The following ZC3H12B variants were observed in gnomAD, a reference collection of about 807,000 sequenced individuals.
The protein encoded by ZC3H12B is zinc finger CCCH-type containing 12B.
A neutral mutation model predicts 43.9 loss-of-function variants in ZC3H12B; 7 were observed. That is an observed-to-expected ratio of 0.16 (90% confidence interval 0.09 to 0.30). The LOEUF is 0.30. ZC3H12B is among the 10% of genes least tolerant of loss of function. The pLI, the probability that ZC3H12B is intolerant of heterozygous loss-of-function variation, is 1.00. For synonymous variants in ZC3H12B, 222 were observed against 241.7 expected (o/e 0.92, Z 0.76); for missense variants, 475 against 670.2 (o/e 0.71, Z 3.22).
At chrX:65,060,338 G>GT in the ZC3H12B span, among the ~76,000 whole-genome samples, 8 of 111,916 alleles carry the variant, frequency 7.1e-5, no homozygotes, top group Admixed American at 2.8e-4. Context: ...TAGGTCTGCT[G>GT]TTTTTGCCTT....
the ZC3H12B span, among the ~76,000 whole-genome samples, chrX:65,284,514 C>A: frequency 8.9e-6 from 1 of 111,796 alleles, no homozygotes; most frequent in Admixed American, 9.5e-5. Flanking sequence ...GTAATCTCAG[C>A]ACTTTGGGAG....
At chrX:65,382,974 A>T (rs1434987474) in intron 2 of ZC3H12B, among the ~76,000 whole-genome samples, 1 of 111,431 alleles carries the variant, frequency 9.0e-6, no homozygotes, top group African/African-American at 3.3e-5. Flanking sequence ...AAATGGAAGA[A>T]CATTCCATGC....
chrX:65,368,128 C>T (rs1454706826), intron 1 of ZC3H12B, among the ~76,000 whole-genome samples: 2 of 112,045 alleles, frequency 1.8e-5, no homozygotes, highest in South Asian at 3.7e-4. Context: ...TTAATGTTCT[C>T]AAAATGACTT....
the ZC3H12B span, among the ~76,000 whole-genome samples, chrX:65,199,842 A>G: frequency 1.8e-5 from 2 of 108,716 alleles, no homozygotes; most frequent in Non-Finnish European, 3.8e-5. Flanking sequence ...GCTTTATCCA[A>G]TCTATCATTG....
At chrX:65,224,979 T>G in the ZC3H12B span, among the ~76,000 whole-genome samples, 1 of 111,857 alleles carries the variant, frequency 8.9e-6, no homozygotes, top group Non-Finnish European at 1.9e-5. Context: ...CAGTAACCTC[T>G]GCAGACTTAA....
chrX:65,216,496 T>G, the ZC3H12B span, among the ~76,000 whole-genome samples: 9 of 111,470 alleles, frequency 8.1e-5, no homozygotes, highest in Admixed American at 2.9e-4. Context: ...ACTGGCTGAC[T>G]AAAGTGTCCT....
chrX:65,118,174 T>C, the ZC3H12B span, among the ~76,000 whole-genome samples: 1 of 111,951 alleles, frequency 8.9e-6, no homozygotes. Flanking sequence ...TTTCATGATA[T>C]TGATTCTTCC....
At chrX:65,274,967 G>A in the ZC3H12B span, among the ~76,000 whole-genome samples, 1 of 111,920 alleles carries the variant, frequency 8.9e-6, no homozygotes, top group Non-Finnish European at 1.9e-5. Flanking sequence ...GGCCATCCCT[G>A]GTAGACACAC....
intron 2 of ZC3H12B, among the ~76,000 whole-genome samples, chrX:65,386,460 G>A (rs7066394): frequency 0.14 from 15,883 of 111,186 alleles, 2,731 homozygotes; most frequent in African/African-American, 0.49. Context: ...TTCTCTGATG[G>A]TAGTTTGTAT....
the ZC3H12B span, among the ~76,000 whole-genome samples, chrX:65,066,576 G>A: frequency 2.7e-5 from 3 of 111,559 alleles, no homozygotes; most frequent in African/African-American, 6.5e-5. Context: ...GGCGTCTGTC[G>A]ACCCCTGCTG....
At chrX:65,241,016 C>T in the ZC3H12B span, among the ~76,000 whole-genome samples, 2 of 111,692 alleles carry the variant, frequency 1.8e-5, no homozygotes, top group South Asian at 7.5e-4. Context: ...AGCTCTCACC[C>T]AGTCAGGAGA....
intron 2 of ZC3H12B, among the ~76,000 whole-genome samples, chrX:65,380,069 A>C (rs1483896031): frequency 2.7e-5 from 3 of 112,104 alleles, no homozygotes; most frequent in Non-Finnish European, 3.8e-5. Flanking sequence ...CCAATCTAGC[A>C]AGGCAGGCCA....
At chrX:65,153,292 A>G in the ZC3H12B span, among the ~76,000 whole-genome samples, 3 of 112,181 alleles carry the variant, frequency 2.7e-5, no homozygotes, top group South Asian at 3.7e-4. Context: ...CAGAGTGAAC[A>G]GGCAACCTAC....
At chrX:65,163,768 C>T in the ZC3H12B span, among the ~76,000 whole-genome samples, 1 of 111,412 alleles carries the variant, frequency 9.0e-6, no homozygotes, top group Admixed American at 9.5e-5. Context: ...GCATGTTGCA[C>T]TGCACTCACT....
the ZC3H12B span, among the ~76,000 whole-genome samples, chrX:65,115,717 T>TATTTTTTTA: frequency 9.0e-6 from 1 of 111,520 alleles, no homozygotes; most frequent in Admixed American, 9.6e-5. Context: ...TGCCAGCATG[T>TATTTTTTTA]ATTTTTTTAA....
At chrX:65,146,840 C>G in the ZC3H12B span, among the ~76,000 whole-genome samples, 1 of 111,610 alleles carries the variant, frequency 9.0e-6, no homozygotes, top group East Asian at 2.8e-4. Context: ...ACCATAGATA[C>G]AAGCACAATA....
At chrX:65,172,345 C>A in the ZC3H12B span, among the ~76,000 whole-genome samples, 42 of 110,980 alleles carry the variant, frequency 3.8e-4, no homozygotes, top group Non-Finnish European at 1.5e-4. Flanking sequence ...AGACCTTTTT[C>A]TGGTGGGTAA....
chrX:65,228,681 A>G, the ZC3H12B span, among the ~76,000 whole-genome samples: 1 of 112,488 alleles, frequency 8.9e-6, no homozygotes, highest in Admixed American at 9.4e-5. Flanking sequence ...CAACTTCAGC[A>G]AAGTATCAGG....
chrX:65,286,743 T>C, the ZC3H12B span, among the ~76,000 whole-genome samples: 1 of 110,174 alleles, frequency 9.1e-6, no homozygotes, highest in East Asian at 2.9e-4. Flanking sequence ...GTATAAAATA[T>C]ATTTATTTTA....
Sources: gnomAD v4.1 joint callset for allele counts (sites outside exome capture counted in the v4.1 genomes callset) on GRCh38, gnomAD v4.1.1 for gene constraint, MANE v1.5 for transcripts, NCBI Gene and HGNC (gene_info 2026-07-23, HGNC 2026-07-21) for gene names.